Variants in HHLA2 observed in about 807,000 individuals in gnomAD.
HHLA2 encodes HHLA2 member of B7 family, also known as HERV-H LTR-associating protein 2.
Under a neutral mutation model 45.9 loss-of-function variants are expected in HHLA2, and 48 were observed. The ratio of observed to expected loss-of-function variants is 1.05; its 90% CI spans 0.83 to 1.33. HHLA2 has a LOEUF of 1.33. Ranked by LOEUF, HHLA2 falls within the 40% of genes most tolerant of loss-of-function variation. HHLA2 has a pLI of 0.00. For missense variants in HHLA2, 462 were observed against 494.3 expected, an observed-to-expected ratio of 0.93 and a Z score of 0.62; for synonymous variants, 161 against 173.9, an observed-to-expected ratio of 0.93 and a Z score of 0.59.
At chr3:108,364,267 G>A (rs2082027148) in intron 8 of HHLA2, among the ~76,000 whole-genome samples, 1 of 152,130 alleles carries the variant, frequency 6.6e-6, no homozygotes, top group African/African-American at 2.4e-5. Context: ...CCTTGTGATA[G>A]TTTGCTGAGA....
At chr3:108,310,948 G>A (rs1216155685) in intron 2 of HHLA2, among the ~76,000 whole-genome samples, 2 of 152,096 alleles carry the variant, frequency 1.3e-5, no homozygotes, top group African/African-American at 4.8e-5. Flanking sequence ...TATAAATCTG[G>A]TAGAGGGTTG....
At chr3:108,353,780 G>A in exon 5 of HHLA2, 1 of 1,597,216 alleles carries the variant, frequency 6.3e-7, no homozygotes, top group Non-Finnish European at 8.5e-7. Flanking sequence ...AAAGGTGGGA[G>A]GTAAGTGTGC....
chr3:108,358,173 G>C lies in HHLA2; in HGVS notation c.1003+12G>C, dbSNP rs1433212392. On this transcript the variant is annotated intron_variant, in intron 7 of 10. Transcript: ENST00000619531. ...CACAGTGCATGTAGGTAAGTTGCAA[G>C]TAGGTTTGGATAATGGGTTTTGGCT... 1 of 1,582,908 alleles carries C rather than the reference G, an allele frequency of 6.3e-7. No individual in the cohort carries two copies. The highest frequency in any genetic ancestry group is 8.6e-7 in the Non-Finnish European group (1 of 1,160,680).
At chr3:108,315,023 T>C (rs1468210266) in intron 2 of HHLA2, among the ~76,000 whole-genome samples, 1 of 152,206 alleles carries the variant, frequency 6.6e-6, no homozygotes, top group Non-Finnish European at 1.5e-5. Flanking sequence ...CCAAAATTTA[T>C]TTTCAGCTCT....
At chr3:108,357,876 T>C in exon 7 of HHLA2, 1 of 1,613,078 alleles carries the variant, frequency 6.2e-7, no homozygotes, top group Non-Finnish European at 8.5e-7. Flanking sequence ...TGAACACGTT[T>C]CACTCTCATG....
intron 8 of HHLA2, among the ~76,000 whole-genome samples, chr3:108,365,207 C>G (rs533067000): frequency 3.3e-5 from 5 of 152,170 alleles, no homozygotes; most frequent in African/African-American, 7.2e-5. Context: ...CTTCTATTTT[C>G]TGCATATGGC....
intron 1 of HHLA2, among the ~76,000 whole-genome samples, chr3:108,309,628 T>C (rs1297684587): frequency 1.3e-5 from 2 of 152,154 alleles, no homozygotes; most frequent in African/African-American, 4.8e-5. Context: ...TTCTCATTAT[T>C]AGACTGGGGT....
intron 1 of HHLA2, among the ~76,000 whole-genome samples, chr3:108,306,693 G>C (rs750245706): frequency 1.3e-5 from 2 of 152,018 alleles, no homozygotes; most frequent in Non-Finnish European, 2.9e-5. Flanking sequence ...CTGTAGTTAG[G>C]CCAACTTTTT....
intron 9 of HHLA2, 119 bp downstream of exon 8, chr3:108,375,919 T>C: frequency 7.5e-7 from 1 of 1,324,728 alleles, no homozygotes. Context: ...ATTCCATACT[T>C]CTGCAGTGAG....
At chr3:108,363,212 T>G (rs2082008735) in intron 8 of HHLA2, among the ~76,000 whole-genome samples, 1 of 152,190 alleles carries the variant, frequency 6.6e-6, no homozygotes, top group South Asian at 2.1e-4. Flanking sequence ...TGGGCAAAAC[T>G]TAGATCTAGT....
intron 8 of HHLA2, among the ~76,000 whole-genome samples, chr3:108,374,054 C>T (rs1415222344): frequency 8.6e-5 from 13 of 150,490 alleles, no homozygotes; most frequent in African/African-American, 3.2e-4. Flanking sequence ...AAGCTGGAGG[C>T]ATCATGCTAC....
At chr3:108,331,227 C>G (rs1416201125) in intron 3 of HHLA2, among the ~76,000 whole-genome samples, 1 of 152,122 alleles carries the variant, frequency 6.6e-6, no homozygotes, top group Non-Finnish European at 1.5e-5. Flanking sequence ...AGGTCTCACT[C>G]CAGATATATT....
At chr3:108,325,635 C>T in intron 2 of HHLA2, 1 of 239,796 alleles carries the variant, frequency 4.2e-6, no homozygotes, top group Non-Finnish European at 8.3e-6. Flanking sequence ...CTTCGTAGGC[C>T]CAAAATTTGA....
chr3:108,360,767 T>G (rs2081972549), intron 7 of HHLA2, among the ~76,000 whole-genome samples: 1 of 152,238 alleles, frequency 6.6e-6, no homozygotes, highest in East Asian at 1.9e-4. Flanking sequence ...CATTTGGTTA[T>G]GTTTGGACTA....
intron 7 of HHLA2, 125 bp from the exon 7 acceptor site, chr3:108,362,217 C>T (rs2081993984): frequency 3.0e-6 from 2 of 674,712 alleles, no homozygotes; most frequent in Non-Finnish European, 5.0e-6. Context: ...CAGCCTCCTA[C>T]CTGTAATGCA....
intron 4 of HHLA2, among the ~76,000 whole-genome samples, 152 bp from the exon 4 acceptor site, chr3:108,353,271 GGTTT>G (rs1486212329): frequency 1.3e-5 from 2 of 152,152 alleles, no homozygotes; most frequent in African/African-American, 2.4e-5. Context: ...GAGCTTCACA[GGTTT>G]GTTTCTAATA....
intron 2 of HHLA2, among the ~76,000 whole-genome samples, chr3:108,324,824 C>A (rs939504442): frequency 6.6e-6 from 1 of 152,032 alleles, no homozygotes; most frequent in African/African-American, 2.4e-5. Flanking sequence ...TCTTTCTGGG[C>A]CTTGCTGCAA....
chr3:108,331,905 T>C (rs2081392721), intron 3 of HHLA2, among the ~76,000 whole-genome samples: 1 of 152,174 alleles, frequency 6.6e-6, no homozygotes, highest in South Asian at 2.1e-4. Context: ...AACACTCTCA[T>C]GCTTTTGAAA....
intron 3 of HHLA2, among the ~76,000 whole-genome samples, chr3:108,330,625 T>C (rs959829155): frequency 3.9e-5 from 6 of 151,998 alleles, no homozygotes; most frequent in African/African-American, 1.4e-4. Flanking sequence ...TGATGTGAAA[T>C]GGTGGGTGTC....
Sources: gnomAD v4.1 joint callset for allele counts (sites outside exome capture counted in the v4.1 genomes callset) on GRCh38, gnomAD v4.1.1 for gene constraint, MANE v1.5 for transcripts, NCBI Gene and HGNC (gene_info 2026-07-23, HGNC 2026-07-21) for gene names.